Variants in SLC24A2 observed in about 807,000 individuals in gnomAD.
SLC24A2 encodes the protein solute carrier family 24 member 2, also known as sodium/potassium/calcium exchanger 2.
Under a neutral mutation model 62.0 loss-of-function variants are expected in SLC24A2, and 36 were observed. That is an observed-to-expected ratio of 0.58 (90% confidence interval 0.44 to 0.77). The LOEUF (loss-of-function observed/expected upper bound fraction) is 0.77. SLC24A2 is among the 30% of genes least tolerant of loss of function. SLC24A2 has a pLI of 0.00. For missense variants in SLC24A2, 846 were observed against 817.9 expected, an observed-to-expected ratio of 1.03 and a Z score of -0.42; for synonymous variants, 358 against 294.0, an observed-to-expected ratio of 1.22 and a Z score of -2.23.
chr9:20,280,596 G>T, the SLC24A2 span, among the ~76,000 whole-genome samples: 1 of 152,116 alleles, frequency 6.6e-6, no homozygotes, highest in African/African-American at 2.4e-5. Context: ...TTGGGTTTAT[G>T]GTTTCGTTTT....
intron 2 of SLC24A2, among the ~76,000 whole-genome samples, chr9:19,738,989 C>T (rs1354217382): frequency 6.6e-6 from 1 of 151,942 alleles, no homozygotes; most frequent in Non-Finnish European, 1.5e-5. Context: ...TGGTGGTGCG[C>T]ACCGGTAGTC....
the SLC24A2 span, among the ~76,000 whole-genome samples, chr9:19,808,762 A>G: frequency 6.6e-6 from 1 of 152,178 alleles, no homozygotes; most frequent in Admixed American, 6.5e-5. The surrounding 1 kb of genome is among the most constrained non-coding windows in gnomAD (Gnocchi z 4.1). Flanking sequence ...TTGATTTCCC[A>G]GTAATGAAAC....
At chr9:20,205,649 TAAAAAAA>T in the SLC24A2 span, among the ~76,000 whole-genome samples, 1 of 65,306 alleles carries the variant, frequency 1.5e-5, no homozygotes, top group Non-Finnish European at 2.7e-5. Context: ...AGACTCCATC[TAAAAAAA>T]AAAAAAAAAA....
chr9:19,817,605 G>A, the SLC24A2 span, among the ~76,000 whole-genome samples: 36 of 151,962 alleles, frequency 2.4e-4, no homozygotes, highest in African/African-American at 8.2e-4. Context: ...GAACACATCA[G>A]GAAACTTTTT....
chr9:19,577,097 C>T (rs1836039943), intron 5 of SLC24A2, 75 bp from the exon 6 acceptor site: 9 of 1,145,608 alleles, frequency 7.9e-6, no homozygotes, highest in African/African-American at 1.5e-5. Flanking sequence ...AGGTATGTGG[C>T]CTCCTCAGTC....
chr9:19,563,559 G>C (rs1455213546), intron 7 of SLC24A2, among the ~76,000 whole-genome samples: 2 of 152,096 alleles, frequency 1.3e-5, no homozygotes, highest in Non-Finnish European at 2.9e-5. Context: ...CCCTATCAGA[G>C]CTAACATTTT....
At chr9:20,081,091 C>T in the SLC24A2 span, among the ~76,000 whole-genome samples, 4 of 152,182 alleles carry the variant, frequency 2.6e-5, no homozygotes, top group African/African-American at 9.7e-5. Context: ...GGATCTAGAA[C>T]TGGAAATACC....
At chr9:19,685,304 A>T (rs1014863499) in intron 2 of SLC24A2, among the ~76,000 whole-genome samples, 1 of 152,194 alleles carries the variant, frequency 6.6e-6, no homozygotes, top group South Asian at 2.1e-4. Flanking sequence ...ATTGATTGGA[A>T]GAATCAATAT....
chr9:20,085,278 C>T, the SLC24A2 span, among the ~76,000 whole-genome samples: 1 of 152,190 alleles, frequency 6.6e-6, no homozygotes, highest in Non-Finnish European at 1.5e-5. Context: ...GGATTACAGG[C>T]ATGAGCCACT....
chr9:19,755,470 G>C (rs1028604550), intron 2 of SLC24A2, among the ~76,000 whole-genome samples: 1 of 152,198 alleles, frequency 6.6e-6, no homozygotes, highest in African/African-American at 2.4e-5. Context: ...AACTTATTAA[G>C]TGAAAACATA....
At chr9:19,792,689 C>T (rs555151098), upstream of SLC24A2, among the ~76,000 whole-genome samples, 18 of 142,478 alleles carry the variant, frequency 1.3e-4, no homozygotes, top group East Asian at 3.5e-3. Context: ...GCCTGGGAAA[C>T]AAGAACAAAA....
At chr9:19,892,431 T>C in the SLC24A2 span, among the ~76,000 whole-genome samples, 1 of 152,266 alleles carries the variant, frequency 6.6e-6, no homozygotes, top group African/African-American at 2.4e-5. Context: ...TCTTTGTCTC[T>C]CTTGTTCTTC....
chr9:19,529,393 C>T (rs1354205794), intron 8 of SLC24A2, among the ~76,000 whole-genome samples: 1 of 152,162 alleles, frequency 6.6e-6, no homozygotes, highest in Non-Finnish European at 1.5e-5. Flanking sequence ...TGCTCCAAAC[C>T]AGGCTTATGT....
At chr9:19,618,444 C>T (rs778409573) in intron 4 of SLC24A2, among the ~76,000 whole-genome samples, 14 of 152,176 alleles carry the variant, frequency 9.2e-5, no homozygotes, top group Non-Finnish European at 2.1e-4. Context: ...ATACAACTCT[C>T]TGTGGTATAA....
chr9:20,184,764 A>C, the SLC24A2 span, among the ~76,000 whole-genome samples: 6 of 152,076 alleles, frequency 3.9e-5, no homozygotes, highest in African/African-American at 1.4e-4. Flanking sequence ...TATATATCCA[A>C]AGGAAATGAA....
At chr9:19,922,167 T>C in the SLC24A2 span, among the ~76,000 whole-genome samples, 47 of 152,316 alleles carry the variant, frequency 3.1e-4, no homozygotes, top group African/African-American at 1.1e-3. Context: ...AGCCTAAAGA[T>C]TCTGAAAGTG....
chr9:19,598,830 A>G (rs1350869347), intron 4 of SLC24A2, among the ~76,000 whole-genome samples: 1 of 152,230 alleles, frequency 6.6e-6, no homozygotes, highest in Non-Finnish European at 1.5e-5. Flanking sequence ...CACACATAAT[A>G]TATGTGTTTG....
the SLC24A2 span, among the ~76,000 whole-genome samples, chr9:20,013,475 G>A: frequency 1.4e-4 from 22 of 152,082 alleles, no homozygotes; most frequent in Admixed American, 1.4e-3. Context: ...GAAAACATGA[G>A]GGAAATGCTT....
At chr9:19,654,982 C>G (rs1818904628) in intron 2 of SLC24A2, among the ~76,000 whole-genome samples, 1 of 152,222 alleles carries the variant, frequency 6.6e-6, no homozygotes, top group Admixed American at 6.5e-5. Context: ...CTTACAAATA[C>G]TCATTGCATA....
Sources: gnomAD v4.1 joint callset for allele counts (sites outside exome capture counted in the v4.1 genomes callset) on GRCh38, gnomAD v4.1.1 for gene constraint, Gnocchi (gnomAD v3.1) non-coding constraint, MANE v1.5 for transcripts, NCBI Gene and HGNC (gene_info 2026-07-23, HGNC 2026-07-21) for gene names.